Variants in HEMK2 observed in about 807,000 individuals in gnomAD.
The protein encoded by HEMK2 is methyltransferase HEMK2.
the HEMK2 span, among the ~76,000 whole-genome samples, chr21:28,791,948 AAAAG>A: frequency 6.6e-6 from 1 of 152,164 alleles, no homozygotes; most frequent in African/African-American, 2.4e-5. Flanking sequence ...AGAAGAAAAA[AAAAG>A]AAAGCCCACC....
chr21:28,767,855 C>T, the HEMK2 span, among the ~76,000 whole-genome samples: 1 of 151,972 alleles, frequency 6.6e-6, no homozygotes, highest in African/African-American at 2.4e-5. Flanking sequence ...AACATCCTCT[C>T]ACAGTCACCT....
chr21:28,760,918 T>C, the HEMK2 span, among the ~76,000 whole-genome samples: 203 of 152,308 alleles, frequency 1.3e-3, no homozygotes, highest in Middle Eastern at 6.8e-3. Flanking sequence ...ATCCAGTCTT[T>C]CCCTTTCAAA....
At chr21:28,708,224 CA>C in the HEMK2 span, among the ~76,000 whole-genome samples, 84,521 of 148,232 alleles carry the variant, frequency 0.57, 26,458 homozygotes, top group East Asian at 0.84. Flanking sequence ...TTAATGTAGT[CA>C]AAAAAAAAAA....
the HEMK2 span, among the ~76,000 whole-genome samples, chr21:28,819,545 T>TTC: frequency 2.2e-5 from 1 of 45,886 alleles, no homozygotes; most frequent in East Asian, 3.1e-3. Flanking sequence ...TTTCTTTTCC[T>TTC]TTTTTTTTTT....
At chr21:28,843,166 A>G in the HEMK2 span, among the ~76,000 whole-genome samples, 4 of 152,150 alleles carry the variant, frequency 2.6e-5, no homozygotes, top group Admixed American at 2.0e-4. Context: ...TTTTGTAAAG[A>G]CAAATTATGC....
the HEMK2 span, among the ~76,000 whole-genome samples, chr21:28,726,869 TA>T: frequency 0.082 from 10,707 of 130,166 alleles, 481 homozygotes; most frequent in Middle Eastern, 0.15. Flanking sequence ...GGACCCTATC[TA>T]AAAAAAAAAA....
At chr21:28,713,268 A>C in the HEMK2 span, among the ~76,000 whole-genome samples, 7,609 of 152,148 alleles carry the variant, frequency 0.05, 264 homozygotes, top group Non-Finnish European at 0.08. Context: ...AGTCACAGCC[A>C]CCATCATCTC....
At chr21:28,658,032 G>T in the HEMK2 span, among the ~76,000 whole-genome samples, 2 of 152,010 alleles carry the variant, frequency 1.3e-5, no homozygotes, top group African/African-American at 4.8e-5. Context: ...CCATTTCTTG[G>T]TATGTGTGCA....
chr21:28,647,740 A>G, the HEMK2 span, among the ~76,000 whole-genome samples: 385 of 152,292 alleles, frequency 2.5e-3, 2 homozygotes, highest in Non-Finnish European at 4.9e-3. Flanking sequence ...CACCACAACC[A>G]TACACACACA....
chr21:28,781,283 TG>T, the HEMK2 span, among the ~76,000 whole-genome samples: 1 of 152,362 alleles, frequency 6.6e-6, no homozygotes, highest in African/African-American at 2.4e-5. Flanking sequence ...TAGCTTTGTA[TG>T]CTTCTGTTCT....
chr21:28,709,874 G>C, the HEMK2 span, among the ~76,000 whole-genome samples: 4 of 152,142 alleles, frequency 2.6e-5, no homozygotes, highest in Non-Finnish European at 5.9e-5. Flanking sequence ...TAAAAAAGAG[G>C]ATATTAGAAA....
the HEMK2 span, among the ~76,000 whole-genome samples, chr21:28,740,075 G>A: frequency 6.6e-6 from 1 of 152,140 alleles, no homozygotes; most frequent in Non-Finnish European, 1.5e-5. Flanking sequence ...CCCTTGATAT[G>A]CGTTTTACAC....
At chr21:28,885,155 C>T in the HEMK2 span, 18 of 1,482,448 alleles carry the variant, frequency 1.2e-5, no homozygotes, top group African/African-American at 2.3e-4. Flanking sequence ...CCTCCTCCAC[C>T]GCACTTCTTC....
the HEMK2 span, among the ~76,000 whole-genome samples, chr21:28,787,898 T>C: frequency 6.6e-6 from 1 of 152,140 alleles, no homozygotes; most frequent in East Asian, 1.9e-4. Context: ...TGGAAAAAGA[T>C]ACTTGCACGT....
the HEMK2 span, among the ~76,000 whole-genome samples, chr21:28,798,006 T>C: frequency 3.9e-5 from 6 of 152,170 alleles, no homozygotes; most frequent in Admixed American, 6.5e-5. Context: ...CTTTAACTTC[T>C]AACTGGAACA....
chr21:28,768,311 C>G, the HEMK2 span, among the ~76,000 whole-genome samples: 1 of 152,114 alleles, frequency 6.6e-6, no homozygotes, highest in South Asian at 2.1e-4. Context: ...TCTTCCCCAC[C>G]ACAGACACAG....
At chr21:28,594,110 G>A in the HEMK2 span, among the ~76,000 whole-genome samples, 1 of 152,148 alleles carries the variant, frequency 6.6e-6, no homozygotes, top group African/African-American at 2.4e-5. Flanking sequence ...CTGTTTAATT[G>A]TGAGAAAAAC....
the HEMK2 span, among the ~76,000 whole-genome samples, chr21:28,657,380 T>C: frequency 2.6e-5 from 4 of 152,188 alleles, no homozygotes; most frequent in East Asian, 7.7e-4. Context: ...AGCAGTCCTA[T>C]TTACCTAAAT....
At chr21:28,876,397 G>A in the HEMK2 span, 47 of 1,607,456 alleles carry the variant, frequency 2.9e-5, no homozygotes, top group South Asian at 5.0e-4. Context: ...AAGACTTGGT[G>A]AACTTGAGGA....
Sources: gnomAD v4.1 joint callset for allele counts (sites outside exome capture counted in the v4.1 genomes callset) on GRCh38, gnomAD v4.1.1 for gene constraint, MANE v1.5 for transcripts, NCBI Gene and HGNC (gene_info 2026-07-23, HGNC 2026-07-21) for gene names.